KCNAB1: variants seen among roughly 807,000 people sequenced by gnomAD.
The protein encoded by KCNAB1 is potassium voltage-gated channel subfamily A regulatory beta subunit 1.
In KCNAB1, 35 loss-of-function variants were observed where a neutral mutation model predicts 64.6. The ratio of observed to expected loss-of-function variants is 0.54; its 90% confidence interval spans 0.41 to 0.72. The LOEUF is 0.72. Ranked by LOEUF, KCNAB1 falls within the 30% of genes least tolerant of loss-of-function variation. KCNAB1 has a pLI of 0.00. For missense variants in KCNAB1, 401 were observed against 512.9 expected (o/e 0.78, Z 2.11); for synonymous variants, 177 against 183.8 (o/e 0.96, Z 0.30).
At chr3:156,152,423 G>C (rs964645971) in intron 1 of KCNAB1, among the ~76,000 whole-genome samples, 3 of 152,220 alleles carry the variant, frequency 2.0e-5, no homozygotes, top group Admixed American at 2.0e-4. Context: ...CCTGATACCA[G>C]CTGGATTCAG....
chr3:156,285,800 C>T (rs974694489), intron 1 of KCNAB1, among the ~76,000 whole-genome samples: 9 of 152,206 alleles, frequency 5.9e-5, no homozygotes, highest in Admixed American at 3.9e-4. Flanking sequence ...CCACCGCACC[C>T]GGTCTGAATT....
chr3:156,466,658 T>C (rs1713403906), intron 7 of KCNAB1, among the ~76,000 whole-genome samples: 1 of 152,034 alleles, frequency 6.6e-6, no homozygotes, highest in Non-Finnish European at 1.5e-5. Context: ...AATATACATA[T>C]GCATAAAAAA....
chr3:156,419,219 C>T (rs756236042), intron 1 of KCNAB1, among the ~76,000 whole-genome samples: 19 of 152,148 alleles, frequency 1.2e-4, no homozygotes, highest in Non-Finnish European at 2.4e-4. Flanking sequence ...AATCTCTGAA[C>T]TAGCGGGGCA....
intron 1 of KCNAB1, among the ~76,000 whole-genome samples, chr3:156,353,510 C>T (rs1724993191): frequency 6.6e-6 from 1 of 152,220 alleles, no homozygotes; most frequent in African/African-American, 2.4e-5. Flanking sequence ...TTTAATGTCT[C>T]ACAGTTTCTG....
intron 1 of KCNAB1, among the ~76,000 whole-genome samples, chr3:156,227,137 C>T (rs1318796678): frequency 6.6e-6 from 1 of 152,128 alleles, no homozygotes; most frequent in Non-Finnish European, 1.5e-5. Flanking sequence ...TTCTTCGTCA[C>T]AATGTTGTTT....
At chr3:156,262,852 A>G (rs76995134) in intron 1 of KCNAB1, among the ~76,000 whole-genome samples, 4,283 of 151,808 alleles carry the variant, frequency 0.028, 83 homozygotes, top group African/African-American at 0.041. Context: ...CTTGTTATAG[A>G]TCTATTTAGA....
At position 156,282,063 on chromosome 3, in the gene KCNAB1, A is replaced by G. The variant is rs1261664173; in HGVS notation, c.276-139553A>G. ...GTTCTTTCAATTGTGATGTTAGGGT[A>G]TCAATTTTGGATCTTTCCTGCTTTC... is the stretch of plus-strand genomic sequence containing the variant. On this transcript the variant is annotated intron_variant, in intron 1 of 13. Coordinates refer to ENST00000490337, the MANE Select transcript of KCNAB1 (RefSeq NM_172160.3). 3.9e-3 allele frequency among the ~76,000 whole-genome samples: 569 copies of G among 147,704 alleles called. 4 individuals carry two copies. The highest frequency in any genetic ancestry group is 0.014 in the African/African-American group (531 of 37,352).
intron 1 of KCNAB1, among the ~76,000 whole-genome samples, chr3:156,200,160 A>G (rs1163645868): frequency 6.6e-6 from 1 of 152,222 alleles, no homozygotes; most frequent in African/African-American, 2.4e-5. Context: ...AGGCTGCAGA[A>G]CACCAAAGAT....
chr3:156,179,426 CCA>C (rs1391038853), intron 1 of KCNAB1, among the ~76,000 whole-genome samples: 4 of 94,590 alleles, frequency 4.2e-5, no homozygotes, highest in African/African-American at 7.9e-5. Context: ...ACCCCCCCCC[CCA>C]CCCCCTCACC....
intron 1 of KCNAB1, among the ~76,000 whole-genome samples, chr3:156,140,457 T>G (rs1418692183): frequency 1.3e-5 from 2 of 152,144 alleles, no homozygotes; most frequent in African/African-American, 4.8e-5. Flanking sequence ...GCTCTCTCCT[T>G]CCAGTGTCCT....
chr3:156,322,097 G>C (rs1225726117), intron 1 of KCNAB1, among the ~76,000 whole-genome samples: 1 of 152,168 alleles, frequency 6.6e-6, no homozygotes, highest in Non-Finnish European at 1.5e-5. Context: ...AGCCTAGTGA[G>C]ATGCTCACTC....
intron 3 of KCNAB1, 183 bp downstream of exon 3, chr3:156,453,119 A>G: frequency 2.1e-6 from 1 of 475,152 alleles, no homozygotes; most frequent in East Asian, 3.2e-5. Context: ...TTACATTTAG[A>G]CTATTAATAG....
intron 1 of KCNAB1, among the ~76,000 whole-genome samples, chr3:156,200,258 G>C (rs1714239008): frequency 6.6e-6 from 1 of 152,198 alleles, no homozygotes; most frequent in African/African-American, 2.4e-5. Flanking sequence ...GGTGTCTGTT[G>C]ACATCTGCTA....
intron 2 of KCNAB1, among the ~76,000 whole-genome samples, chr3:156,439,942 T>C (rs1716877012): frequency 6.6e-6 from 1 of 152,282 alleles, no homozygotes; most frequent in Non-Finnish European, 1.5e-5. Flanking sequence ...CAAACTTACA[T>C]AAAGGCCAGG....
intron 12 of KCNAB1, among the ~76,000 whole-genome samples, chr3:156,530,532 C>A (rs544885478): frequency 1.3e-5 from 2 of 152,246 alleles, no homozygotes; most frequent in South Asian, 4.1e-4. Context: ...CTAAAGCCAG[C>A]TGGGAGGGAA....
intron 8 of KCNAB1, among the ~76,000 whole-genome samples, chr3:156,493,248 A>G (rs1715762543): frequency 6.6e-6 from 1 of 152,120 alleles, no homozygotes; most frequent in African/African-American, 2.4e-5. Context: ...AACAAGCTGT[A>G]GGGAGCCTGA....
chr3:156,236,083 A>C (rs1716830859), intron 1 of KCNAB1, among the ~76,000 whole-genome samples: 1 of 152,244 alleles, frequency 6.6e-6, no homozygotes, highest in Non-Finnish European at 1.5e-5. Flanking sequence ...GAATTTAAAA[A>C]ATATAATAAC....
chr3:156,288,752 A>G lies in KCNAB1; in HGVS notation c.276-132864A>G, dbSNP rs1332055361. On this transcript the variant is annotated intron_variant, in intron 1 of 13. Transcript: ENST00000490337. ...TTTGATTTTCTTTGAGGCATGTCCTAAAGGCTGGGACACTCATCTACACAC... is the reference window on the plus strand; with the variant it reads ...TTTGATTTTCTTTGAGGCATGTCCTGAAGGCTGGGACACTCATCTACACAC... Among the ~76,000 whole-genome samples the G allele has an allele frequency of 3.3e-5, 5 of 151,748 alleles. No individual in the cohort carries two copies. The East Asian group carries it at 9.7e-4, about 29-fold the overall frequency.
chr3:156,445,143 A>G (rs752421619), intron 2 of KCNAB1, among the ~76,000 whole-genome samples: 1 of 152,160 alleles, frequency 6.6e-6, no homozygotes, highest in Admixed American at 6.5e-5. Context: ...TAAAAATACA[A>G]AAATTGGCCG....
Sources: gnomAD v4.1 joint callset for allele counts (sites outside exome capture counted in the v4.1 genomes callset) on GRCh38, gnomAD v4.1.1 for gene constraint, MANE v1.5 for transcripts, NCBI Gene and HGNC (gene_info 2026-07-23, HGNC 2026-07-21) for gene names.